GPC6: variants seen among roughly 807,000 people sequenced by gnomAD.
GPC6 encodes the protein glypican-6.
A neutral mutation model predicts 55.2 loss-of-function variants in GPC6; 14 were observed. The ratio of observed to expected loss-of-function variants is 0.25; its 90% CI spans 0.17 to 0.40. The LOEUF is 0.40. GPC6 is among the 10% of genes least tolerant of loss of function. The probability of loss-of-function intolerance (pLI) is 1.00; values close to 1 mark genes in which losing one functional copy is unlikely to be tolerated. For synonymous variants in GPC6, 278 were observed against 259.6 expected, an observed-to-expected ratio of 1.07 and a Z score of -0.68; for missense variants, 641 against 708.5, an observed-to-expected ratio of 0.90 and a Z score of 1.08.
intron 1 of GPC6, among the ~76,000 whole-genome samples, chr13:93,402,146 T>C (rs1158339769): frequency 6.6e-6 from 1 of 152,102 alleles, no homozygotes; most frequent in African/African-American, 2.4e-5. Flanking sequence ...TTCTAGGGGA[T>C]TTTTTAACAA....
chr13:93,761,712 G>A (rs1693174731), intron 2 of GPC6, among the ~76,000 whole-genome samples: 1 of 152,042 alleles, frequency 6.6e-6, no homozygotes, highest in Non-Finnish European at 1.5e-5. Context: ...GTATTGCTAT[G>A]TTGCACAGGC....
chr13:93,230,142 T>C (rs1008251494), intron 1 of GPC6, among the ~76,000 whole-genome samples: 3 of 152,164 alleles, frequency 2.0e-5, no homozygotes, highest in African/African-American at 2.4e-5. Flanking sequence ...GGCACATAAA[T>C]TTAAAAGAAT....
intron 3 of GPC6, among the ~76,000 whole-genome samples, chr13:93,902,984 A>C (rs1876443492): frequency 6.6e-6 from 1 of 152,208 alleles, no homozygotes; most frequent in South Asian, 2.1e-4. Flanking sequence ...TGGAGAAAGG[A>C]CAGTGTATTC....
chr13:93,238,271 G>A (rs1337511581), intron 1 of GPC6, among the ~76,000 whole-genome samples: 1 of 152,022 alleles, frequency 6.6e-6, no homozygotes, highest in Non-Finnish European at 1.5e-5. Context: ...TCCTTGTAGA[G>A]ATCTCTCACA....
chr13:93,968,161 C>G (rs1439026562), intron 3 of GPC6, among the ~76,000 whole-genome samples: 1 of 152,086 alleles, frequency 6.6e-6, no homozygotes, highest in East Asian at 1.9e-4. Flanking sequence ...TAGTAAAATG[C>G]TCATTGTTAG....
chr13:93,520,946 A>T (rs1881396469), intron 1 of GPC6, among the ~76,000 whole-genome samples: 1 of 151,982 alleles, frequency 6.6e-6, no homozygotes, highest in African/African-American at 2.4e-5. Context: ...AGTTTCATCT[A>T]TAGAGTGTGG....
chr13:93,731,125 T>C (rs893353672), intron 2 of GPC6, among the ~76,000 whole-genome samples: 3 of 152,028 alleles, frequency 2.0e-5, no homozygotes, highest in African/African-American at 7.3e-5. Context: ...TTACCGAAGA[T>C]TGTAGGGGTG....
At chr13:94,242,173 G>T (rs1455769559) in intron 4 of GPC6, among the ~76,000 whole-genome samples, 2 of 151,932 alleles carry the variant, frequency 1.3e-5, no homozygotes, top group African/African-American at 4.8e-5. Flanking sequence ...GCGGTGTTTG[G>T]TTTTTTGTCC....
At position 93,439,681 on chromosome 13, in the gene GPC6, TAAAATAAATAAAA is replaced by T. The variant is rs1019280838; in HGVS notation, c.161-105573_161-105561del. ...ACATCTCAAATAAAATAAAATAAAA[TAAAATAAATAAAA>T]AAAATAAAATAAAATAAAATAAAAT... is the stretch of plus-strand genomic sequence containing the variant. On this transcript the variant is annotated intron_variant, in intron 1 of 8. Transcript: ENST00000377047. 1.8e-4 allele frequency among the ~76,000 whole-genome samples: 23 copies of T among 129,984 alleles called. 1 individual carries two copies. In the East Asian group the frequency reaches 3.7e-3, roughly 21 times the overall value. The allele number at this position is 129,984 out of a possible 152,430, so 85.3% of individuals were successfully genotyped here.
chr13:94,313,897 T>G lies in GPC6; in HGVS notation c.1152+7774T>G, dbSNP rs570581133. Among the ~76,000 whole-genome samples the G allele has an allele frequency of 7.2e-5, 11 of 152,356 alleles. 1 individual carries two copies. The South Asian group carries it at 1.2e-3, about 17-fold the overall frequency. ...ATTTTATATCTATTTTATGGCATGTTGATATGCTTATTTTCTGCTTCAGGC... is the reference window on the plus strand; with the variant it reads ...ATTTTATATCTATTTTATGGCATGTGGATATGCTTATTTTCTGCTTCAGGC... On this transcript the variant is annotated intron_variant, in intron 6 of 8. Coordinates refer to ENST00000377047, the MANE Select transcript of GPC6 (RefSeq NM_005708.5).
intron 1 of GPC6, among the ~76,000 whole-genome samples, chr13:93,489,059 G>C (rs935064628): frequency 6.6e-6 from 1 of 151,400 alleles, no homozygotes; most frequent in Non-Finnish European, 1.5e-5. Context: ...CCTATGTCCT[G>C]AATTGTATTG....
chr13:94,048,084 T>C (rs769634948), intron 4 of GPC6, among the ~76,000 whole-genome samples: 6 of 150,040 alleles, frequency 4.0e-5, no homozygotes, highest in African/African-American at 7.6e-5. Context: ...CAAAGTTAAT[T>C]TTGGTTAGAG....
At chr13:93,412,889 C>T (rs1317038788) in intron 1 of GPC6, among the ~76,000 whole-genome samples, 2 of 152,260 alleles carry the variant, frequency 1.3e-5, no homozygotes, top group African/African-American at 4.8e-5. Context: ...CCCCCTCCCA[C>T]AGACCTGCAA....
chr13:94,299,359 G>A (rs1201437589), intron 5 of GPC6, among the ~76,000 whole-genome samples: 4 of 152,212 alleles, frequency 2.6e-5, no homozygotes, highest in Non-Finnish European at 5.9e-5. Context: ...CAAGTATTAG[G>A]AGAAAGATTA....
At chr13:93,856,991 A>C (rs1359850196) in intron 3 of GPC6, among the ~76,000 whole-genome samples, 3 of 151,622 alleles carry the variant, frequency 2.0e-5, no homozygotes, top group African/African-American at 7.3e-5. Flanking sequence ...CTTGTTGTAG[A>C]TTCTTATTCA....
intron 2 of GPC6, among the ~76,000 whole-genome samples, chr13:93,643,882 GC>G (rs1182334994): frequency 2.0e-5 from 3 of 152,018 alleles, no homozygotes; most frequent in Non-Finnish European, 4.4e-5. Context: ...AAGCCATGAT[GC>G]TTTCCCAGGC....
intron 1 of GPC6, among the ~76,000 whole-genome samples, chr13:93,296,557 G>A (rs1289277384): frequency 1.3e-5 from 2 of 151,932 alleles, no homozygotes; most frequent in African/African-American, 4.8e-5. Flanking sequence ...CATGACAAAA[G>A]CCTTCCATAT....
intron 1 of GPC6, among the ~76,000 whole-genome samples, chr13:93,363,107 CTTTTTTTTTGTTT>C (rs1286958402): frequency 7.9e-6 from 1 of 126,248 alleles, no homozygotes; most frequent in African/African-American, 3.1e-5. Flanking sequence ...TTTTTCTTTC[CTTTTTTTTTGTTT>C]TTTTTTTTGT....
intron 1 of GPC6, among the ~76,000 whole-genome samples, chr13:93,524,337 A>G (rs1288045031): frequency 6.6e-6 from 1 of 152,062 alleles, no homozygotes; most frequent in African/African-American, 2.4e-5. Context: ...AGCTTCAAGA[A>G]GGGGTGAACA....
Sources: allele counts gnomAD v4.1 joint callset (sites outside exome capture counted in the v4.1 genomes callset), GRCh38; gene constraint gnomAD v4.1.1; transcripts MANE v1.5; gene names NCBI Gene and HGNC (gene_info 2026-07-23, HGNC 2026-07-21).